SLC44A5: variants seen among roughly 807,000 people sequenced by gnomAD.
The protein encoded by SLC44A5 is choline transporter-like protein 5.
SLC44A5 carries 57 observed loss-of-function variants against 101.8 expected under a neutral mutation model. The ratio of observed to expected loss-of-function variants is 0.56; its 90% CI spans 0.45 to 0.70. The LOEUF is 0.70. Among genes scored for constraint, SLC44A5 ranks in the 30% least tolerant of loss-of-function variants. SLC44A5 has a pLI of 0.00. For synonymous variants in SLC44A5, 281 were observed against 290.9 expected, an observed-to-expected ratio of 0.97 and a Z score of 0.35; for missense variants, 737 against 853.1, an observed-to-expected ratio of 0.86 and a Z score of 1.70.
At chr1:75,322,893 G>A (rs1476242034) in intron 4 of SLC44A5, among the ~76,000 whole-genome samples, 1 of 152,106 alleles carries the variant, frequency 6.6e-6, no homozygotes, top group East Asian at 1.9e-4. Flanking sequence ...TTAGCACTCT[G>A]TTTCTCATCC....
At chr1:75,717,512 C>T in the SLC44A5 span, among the ~76,000 whole-genome samples, 5 of 152,046 alleles carry the variant, frequency 3.3e-5, no homozygotes, top group Admixed American at 6.6e-5. Flanking sequence ...TTGGGTACTA[C>T]GCTTATTATC....
chr1:75,340,623 C>G (rs1428504405), intron 3 of SLC44A5, among the ~76,000 whole-genome samples: 1 of 152,192 alleles, frequency 6.6e-6, no homozygotes, highest in African/African-American at 2.4e-5. Context: ...AACTGACCAT[C>G]CCTCTGTCCC....
At chr1:75,684,311 C>G in the SLC44A5 span, among the ~76,000 whole-genome samples, 12 of 152,060 alleles carry the variant, frequency 7.9e-5, no homozygotes, top group Non-Finnish European at 1.2e-4. Flanking sequence ...ATCCTTGGCC[C>G]CTCCAAAATC....
chr1:75,463,265 C>A (rs1213859041), intron 2 of SLC44A5, among the ~76,000 whole-genome samples: 1 of 151,816 alleles, frequency 6.6e-6, no homozygotes, highest in Non-Finnish European at 1.5e-5. Context: ...ACTAAAAATA[C>A]AAAAATTAGC....
At chr1:75,450,543 A>G (rs1665844684) in intron 2 of SLC44A5, among the ~76,000 whole-genome samples, 1 of 152,160 alleles carries the variant, frequency 6.6e-6, no homozygotes, top group African/African-American at 2.4e-5. Context: ...AGGTGCTGGA[A>G]TTTTGCTCCC....
chr1:75,279,669 C>A (rs930462742), intron 5 of SLC44A5, among the ~76,000 whole-genome samples: 2 of 151,890 alleles, frequency 1.3e-5, no homozygotes, highest in African/African-American at 4.8e-5. Context: ...TACCCTTTGG[C>A]TTATATTTTG....
Position 75,393,142 on chromosome 1 carries a change from G to A in SLC44A5, c.52+3441C>T, listed in dbSNP as rs1242327208. 2.0e-5 allele frequency among the ~76,000 whole-genome samples: 3 copies of A among 152,078 alleles called. No homozygotes were observed. The East Asian group carries it at 5.8e-4, about 29-fold the overall frequency. On this transcript the variant is annotated intron_variant, in intron 3 of 23. Transcript: ENST00000370859. ...ATACTCTTGTAACAAGCCTGCACAT[G>A]TGCCCTCTGAATCTAAAATAAAATT...
At position 75,573,313 on chromosome 1, in the gene SLC44A5, C is replaced by T. The variant is rs181986023; in HGVS notation, c.-69-31797G>A. On this transcript the variant is annotated intron_variant, in intron 1 of 23. Transcript: ENST00000370859. ...GAGCAGACATTGCACCACTGAACTC[C>T]AGACTGTGTGACAGAGGGAGACTCC... Among the ~76,000 whole-genome samples, 105 of 151,678 alleles carry T rather than the reference C, an allele frequency of 6.9e-4. 1 individual carries two copies. In the East Asian group the frequency reaches 0.019, roughly 27 times the overall value.
At chr1:75,524,605 A>G (rs187742391) in intron 2 of SLC44A5, among the ~76,000 whole-genome samples, 244 of 152,340 alleles carry the variant, frequency 1.6e-3, no homozygotes, top group South Asian at 2.5e-3. Flanking sequence ...ATGGTCATAT[A>G]TCAGGATTTC....
At chr1:75,547,896 T>C in intron 1 of SLC44A5, among the ~76,000 whole-genome samples, 1 of 152,194 alleles carries the variant, frequency 6.6e-6, no homozygotes, top group East Asian at 1.9e-4. Flanking sequence ...AAACCCATTT[T>C]TCTTCAGTTA....
chr1:75,388,787 A>C (rs1052401599), intron 3 of SLC44A5, among the ~76,000 whole-genome samples: 2 of 152,006 alleles, frequency 1.3e-5, no homozygotes, highest in East Asian at 3.9e-4. Flanking sequence ...TAAAAAAAAA[A>C]AAAACAAACA....
At chr1:75,621,932 G>A in the SLC44A5 span, among the ~76,000 whole-genome samples, 15 of 152,060 alleles carry the variant, frequency 9.9e-5, no homozygotes. Context: ...ACTGAGGTTG[G>A]CTTCCTACCC....
At position 75,564,796 on chromosome 1, in the gene SLC44A5, G is replaced by C. The variant is rs139172471; in HGVS notation, c.-69-23280C>G. Among the ~76,000 whole-genome samples the C allele has an allele frequency of 5.7e-3, 866 of 152,032 alleles. 15 individuals are homozygous for C. The highest frequency in any genetic ancestry group is 0.035 in the Admixed American group (534 of 15,280). On this transcript the variant is annotated intron_variant, in intron 1 of 23. Transcript: ENST00000370859. ...CACCACCAGGCCCAGCTAATTTTTT[G>C]TATTTTTAGCAGAGATGGGGTTTCC...
At chr1:75,373,920 G>C (rs1409006596) in intron 3 of SLC44A5, among the ~76,000 whole-genome samples, 1 of 152,174 alleles carries the variant, frequency 6.6e-6, no homozygotes, top group African/African-American at 2.4e-5. Context: ...CCTGAGCTCA[G>C]GTTGGGGAGG....
chr1:75,567,098 C>A (rs1672824655), intron 1 of SLC44A5, among the ~76,000 whole-genome samples: 1 of 151,864 alleles, frequency 6.6e-6, no homozygotes, highest in African/African-American at 2.4e-5. Flanking sequence ...TCTCTTTCAG[C>A]CTCCATAGCC....
At position 75,410,359 on chromosome 1, in the gene SLC44A5, T is replaced by C. The variant is rs185453637; in HGVS notation, c.14-13738A>G. Among the ~76,000 whole-genome samples the C allele has an allele frequency of 3.8e-3, 585 of 152,162 alleles. 7 individuals carry two copies. The South Asian group carries it at 0.039, about 10-fold the overall frequency. On this transcript the variant is annotated intron_variant, in intron 2 of 23. Coordinates refer to ENST00000370859, the MANE Select transcript of SLC44A5 (RefSeq NM_001130058.2). ...CCATGCCTATTTATAAGGCAAGTCA[T>C]GGGTTCCAACATATACTATCGCATC...
chr1:75,569,153 G>A (rs1375171919), intron 1 of SLC44A5, among the ~76,000 whole-genome samples: 2 of 150,578 alleles, frequency 1.3e-5, no homozygotes, highest in Non-Finnish European at 2.9e-5. Flanking sequence ...CAACTCAAAT[G>A]TCACCTCCTC....
intron 8 of SLC44A5, 57 bp from the exon 9 acceptor site, chr1:75,242,118 C>T: frequency 7.2e-7 from 1 of 1,393,788 alleles, no homozygotes; most frequent in East Asian, 2.3e-5. Flanking sequence ...TTACTTTATA[C>T]TGAATCTAAA....
At chr1:75,399,904 C>T (rs115071980) in intron 2 of SLC44A5, among the ~76,000 whole-genome samples, 4,661 of 152,106 alleles carry the variant, frequency 0.031, 118 homozygotes, top group Non-Finnish European at 0.046. Context: ...CAGAACTGTT[C>T]GAAATACCAA....
Sources: allele counts gnomAD v4.1 joint callset (sites outside exome capture counted in the v4.1 genomes callset), GRCh38; gene constraint gnomAD v4.1.1; transcripts MANE v1.5; gene names NCBI Gene and HGNC (gene_info 2026-07-23, HGNC 2026-07-21).